The following CELSR1 variants were observed in gnomAD, a reference collection of about 807,000 sequenced individuals.
The protein encoded by CELSR1 is adhesion G protein-coupled receptor C1.
A neutral mutation model predicts 249.1 loss-of-function variants in CELSR1; 110 were observed. The ratio of observed to expected loss-of-function variants is 0.44; its 90% CI spans 0.38 to 0.52. The LOEUF (loss-of-function observed/expected upper bound fraction) is 0.52, where lower values mean the gene tolerates loss of function less well. CELSR1 is among the 20% of genes least tolerant of loss of function. The pLI is 0.00. For missense variants in CELSR1, 4,109 were observed against 4,296.4 expected, an observed-to-expected ratio of 0.96 and a Z score of 1.22; for synonymous variants, 2,113 against 1,900.0, an observed-to-expected ratio of 1.11 and a Z score of -2.92.
In CELSR1 at chr22:46,536,091, C is replaced by T; in HGVS notation, c.1080G>A (p.Glu360=). The T allele has an allele frequency of 6.2e-7, 1 of 1,612,044 alleles. No individual in the cohort carries two copies. Among genetic ancestry groups the T allele is most frequent in the Non-Finnish European group, 8.5e-7 (1 of 1,179,992 alleles). The stretch of plus-strand genomic sequence containing the variant: ...CCACCTCCAGGTTCTCCCGCACGCG[C>T]TCGCGGTACTCCGACTGCTCGAAGA... ...SPVFEQSEYR[E]RVRENLEVGY... is the part of the protein sequence containing the mutation. The change falls in exon 1 of 35, where the codon GAG becomes GAA. Residue 360 remains glutamate, a synonymous_variant. Transcript: ENST00000674500.
intron 2 of CELSR1, among the ~76,000 whole-genome samples, chr22:46,457,143 G>A (rs750821633): frequency 2.0e-5 from 3 of 152,158 alleles, no homozygotes; most frequent in East Asian, 1.9e-4. Flanking sequence ...TCAGGAGTTC[G>A]AGAACAGCTT....
At chr22:46,459,124 G>C (rs1488678109) in intron 2 of CELSR1, among the ~76,000 whole-genome samples, 2 of 152,106 alleles carry the variant, frequency 1.3e-5, no homozygotes, top group African/African-American at 2.4e-5. Flanking sequence ...TCCTGACCTC[G>C]TGATCCACGT....
chr22:46,439,382 C>T lies in CELSR1; in HGVS notation c.4213G>A (p.Gly1405Ser). ...GEHCEVDARS[G>S]RCANGVCKNG... ...TTGCACACCCCGTTGGCACAGCGGC[C>T]TGAGCGGGCATCCACCTCACAGTGC... The change falls in exon 3 of 35, where the codon GGC becomes AGC. Residue 1405 changes from glycine (G) to serine (S), a missense_variant. Physicochemically the swap from Gly to Ser is moderately conservative, Grantham distance 56. Transcript: ENST00000674500. The T allele has an allele frequency of 6.2e-7, 1 of 1,613,576 alleles. No individual in the cohort carries two copies. The highest frequency in any genetic ancestry group is 8.5e-7 in the Non-Finnish European group (1 of 1,179,966).
At chr22:46,453,158 A>C (rs1027941885) in intron 2 of CELSR1, among the ~76,000 whole-genome samples, 31 of 152,166 alleles carry the variant, frequency 2.0e-4, no homozygotes, top group African/African-American at 7.2e-4. Flanking sequence ...CTAGACATGG[A>C]AAGACGACCG....
Position 46,517,020 on chromosome 22 carries a change from G to A in CELSR1, c.3544+16607C>T, listed in dbSNP as rs1045364759. ...AACCTTTATCACCCATAAGGGATGA[G>A]CTGGGCTCATCCACTTCCTGAGGCT... On this transcript the variant is annotated intron_variant, in intron 1 of 34. Transcript: ENST00000674500. The surrounding 1 kb of genome is among the most constrained non-coding windows in gnomAD (Gnocchi z 5.4). Among the ~76,000 whole-genome samples the A allele has an allele frequency of 1.5e-4, 23 of 152,236 alleles. No individual in the cohort carries two copies. The highest frequency in any genetic ancestry group is 5.5e-4 in the African/African-American group (23 of 41,458).
chr22:46,536,365 G>C lies in CELSR1; in HGVS notation c.806C>G (p.Ala269Gly). ...PAGTLILQLH[A>G]HYTIEGEEER... The stretch of plus-strand genomic sequence containing the variant: ...CTCCTCGCCCTCGATGGTGTAGTGC[G>C]CGTGCAGCTGGAGGATGAGGGTGCC... Residue 269 changes from alanine (A) to glycine (G), a missense_variant, in exon 1 of 35, where the codon GCG becomes GGG. Physicochemically the swap from Ala to Gly is moderately conservative, Grantham distance 60. Around this residue, in one of 7 missense-constraint regions of CELSR1, gnomAD observed 673 missense variants for 636.8 expected, o/e 1.06. Coordinates refer to ENST00000674500, the MANE Select transcript of CELSR1 (RefSeq NM_001378328.1). 6.2e-7 allele frequency: 1 copy of C among 1,612,264 alleles called. No homozygotes were observed.
intron 25 of CELSR1, among the ~76,000 whole-genome samples, chr22:46,372,123 T>C (rs2078858976): frequency 1.3e-5 from 2 of 148,864 alleles, no homozygotes; most frequent in Admixed American, 6.7e-5. Context: ...CACTCATTCC[T>C]CCATCCACCC....
At position 46,500,328 on chromosome 22, in the gene CELSR1, A is replaced by G. The variant is rs1218604053; in HGVS notation, c.3544+33299T>C. Among the ~76,000 whole-genome samples, 1 of 152,116 alleles carries G rather than the reference A, an allele frequency of 6.6e-6. No homozygotes were observed. The stretch of plus-strand genomic sequence containing the variant: ...GCTAGGTTTTAACTGCCTGCTGGAG[A>G]TGACCTTTTATATGGAGCCGCTGAC... On this transcript the variant is annotated intron_variant, in intron 1 of 34. Coordinates refer to ENST00000674500, the MANE Select transcript of CELSR1 (RefSeq NM_001378328.1). The surrounding 1 kb of genome is among the most constrained non-coding windows in gnomAD (Gnocchi z 4.9).
At chr22:46,438,632 A>G (rs548499154) in intron 3 of CELSR1, among the ~76,000 whole-genome samples, 1 of 152,360 alleles carries the variant, frequency 6.6e-6, no homozygotes, top group East Asian at 1.9e-4. Context: ...TCCCTTGTGC[A>G]GACATTTAAT....
rs562430150 is a variant in CELSR1 at position 46,385,975 on chromosome 22, C to CTTTTTTTTTT, written c.6739+417_6739+426dup. Among the ~76,000 whole-genome samples the CTTTTTTTTTT allele has an allele frequency of 4.4e-5, 6 of 137,680 alleles. 1 individual carries two copies. Among genetic ancestry groups the CTTTTTTTTTT allele is most frequent in the African/African-American group, 8.8e-5 (3 of 34,212 alleles). The allele number at this position is 137,680 out of a possible 152,430, so 90.3% of individuals were successfully genotyped here. ...TACAGGCGTGAGCCACCGCGCCCGG[C>CTTTTTTTTTT]TTTTTTTTTTTTGAGATGGAGTCTC... On this transcript the variant is annotated intron_variant, in intron 19 of 34. Transcript: ENST00000674500.
rs1028147948 is a variant in CELSR1 at position 46,391,448 on chromosome 22, G to C, written c.6149-161C>G. 2.0e-5 allele frequency among the ~76,000 whole-genome samples: 3 copies of C among 151,766 alleles called. No individual in the cohort carries two copies. The highest frequency in any genetic ancestry group is 7.3e-5 in the African/African-American group (3 of 41,306). ...CCCCCATCCATGTCAGAGCTGGAGAGGGGTGACCAGGCTCTGACCCACACC... is the reference window on the plus strand; with the variant it reads ...CCCCCATCCATGTCAGAGCTGGAGACGGGTGACCAGGCTCTGACCCACACC... On this transcript the variant is annotated intron_variant, in intron 15 of 34. Coordinates refer to ENST00000674500, the MANE Select transcript of CELSR1 (RefSeq NM_001378328.1). The surrounding 1 kb of genome is among the most constrained non-coding windows in gnomAD (Gnocchi z 4.3).
chr22:46,431,528 T>TG (rs1218476785), intron 5 of CELSR1, among the ~76,000 whole-genome samples: 3 of 152,170 alleles, frequency 2.0e-5, no homozygotes, highest in African/African-American at 7.2e-5. Flanking sequence ...TCCCTGACGA[T>TG]GGGGCACCGT....
In CELSR1 at chr22:46,407,327, G is replaced by A. The variant is rs948509963; in HGVS notation, c.5226+1669C>T. ...CACACACACTTGCACGGAGATATGC[G>A]CACACACACACACAAACTTGGAGAA... is the stretch of plus-strand genomic sequence containing the variant. On this transcript the variant is annotated intron_variant, in intron 9 of 34. Transcript: ENST00000674500. The surrounding 1 kb of genome is among the most constrained non-coding windows in gnomAD (Gnocchi z 4.8). Among the ~76,000 whole-genome samples the A allele has an allele frequency of 1.3e-5, 2 of 151,890 alleles. No homozygotes were observed. The highest frequency in any genetic ancestry group is 1.9e-4 in the East Asian group (1 of 5,184).
rs138202350 is a variant in CELSR1, at chr22:46,410,412, T to C, written c.4919A>G (p.Asn1640Ser). ...GCCACCCGTACCTTCCCGGGTGCCA[T>C]TGTTGGCGATGAATCCGGCCATGTC... ...NVDMAGFIAN[N>S]GTREGCAARR... The change falls in exon 7 of 35, where the codon AAT (asparagine) becomes AGT (serine). Residue 1640 changes from asparagine (N) to serine (S), a missense_variant. Asn to Ser is a conservative substitution (Grantham distance 46, BLOSUM62 1). This residue lies in a region of CELSR1 where 453 missense variants were observed against 492.0 expected (regional missense o/e 0.92). Transcript: ENST00000674500. This position sits in a 1 kb window ranked among gnomAD's most constrained non-coding sequence, Gnocchi z 6.8. 2.0e-5 allele frequency: 33 copies of C among 1,613,450 alleles called. No homozygotes were observed. The highest frequency in any genetic ancestry group is 9.9e-5 in the South Asian group (9 of 91,080).
chr22:46,524,386 C>T (rs1473978770), intron 1 of CELSR1, among the ~76,000 whole-genome samples: 1 of 152,202 alleles, frequency 6.6e-6, no homozygotes, highest in African/African-American at 2.4e-5. Context: ...ACGCGTAAGC[C>T]TCCAAACAAG....
chr22:46,415,027 A>G (rs558015075), intron 5 of CELSR1, among the ~76,000 whole-genome samples: 2 of 152,300 alleles, frequency 1.3e-5, no homozygotes, highest in East Asian at 1.9e-4. Context: ...ACGAAAGGCC[A>G]TGCACCGCGT....
In CELSR1 at chr22:46,381,867, T is replaced by A; in HGVS notation, c.7067A>T (p.Asp2356Val). 6.4e-7 allele frequency: 1 copy of A among 1,564,378 alleles called. No homozygotes were observed. The change falls in exon 21 of 35, where the codon GAC becomes GTC. Residue 2356 changes from aspartate to valine, a missense_variant. Coordinates refer to ENST00000674500, the MANE Select transcript of CELSR1 (RefSeq NM_001378328.1). The surrounding 1 kb of genome is among the most constrained non-coding windows in gnomAD (Gnocchi z 6.0). ...TTACCGGAGGCTGCGACGGTCGGGG[T>A]CGTAGCGCTCGGGCAGGAGCTGCCC... ...TLGQLLPERYDPDRRSLRLPH... is the reference protein window; with the variant it reads ...TLGQLLPERYVPDRRSLRLPH...
Position 46,441,967 on chromosome 22 carries a change from G to A in CELSR1, c.4184-2556C>T, listed in dbSNP as rs1337119773. 6.6e-6 allele frequency among the ~76,000 whole-genome samples: 1 copy of A among 152,142 alleles called. No individual in the cohort carries two copies. Among genetic ancestry groups the A allele is most frequent in the African/African-American group, 2.4e-5 (1 of 41,418 alleles). ...AGTTCAAGACCAGCCTAACCAACAT[G>A]GTGAAACCTCATCTCTACTAAAAAT... is the stretch of plus-strand genomic sequence containing the variant. On this transcript the variant is annotated intron_variant, in intron 2 of 34. Coordinates refer to ENST00000674500, the MANE Select transcript of CELSR1 (RefSeq NM_001378328.1). This position sits in a 1 kb window ranked among gnomAD's most constrained non-coding sequence, Gnocchi z 6.1.
intron 2 of CELSR1, among the ~76,000 whole-genome samples, chr22:46,452,763 G>C (rs1041081481): frequency 2.2e-4 from 34 of 152,340 alleles, no homozygotes; most frequent in African/African-American, 6.7e-4. Context: ...GAGGGGACAG[G>C]GCCCAGCCAA....
Sources: gnomAD v4.1 joint callset for allele counts (sites outside exome capture counted in the v4.1 genomes callset) on GRCh38, gnomAD v4.1.1 for gene constraint, gnomAD v4.1.1 regional missense constraint, Gnocchi (gnomAD v3.1) non-coding constraint, MANE v1.5 for transcripts, NCBI Gene and HGNC (gene_info 2026-07-23, HGNC 2026-07-21) for gene names.